SOX5: variants seen among roughly 807,000 people sequenced by gnomAD.
SOX5 encodes SRY-box transcription factor 5, also known as transcription factor SOX-5.
In SOX5, 9 loss-of-function variants were observed where a neutral mutation model predicts 92.0. That is an observed-to-expected ratio of 0.10 (90% CI 0.06 to 0.17). SOX5 has a LOEUF of 0.17. Ranked by LOEUF, SOX5 falls within the 10% of genes least tolerant of loss-of-function variation. The pLI, the probability that SOX5 is intolerant of heterozygous loss-of-function variation, is 1.00. For missense variants in SOX5, 642 were observed against 944.5 expected (o/e 0.68, Z 4.20); for synonymous variants, 344 against 336.3 (o/e 1.02, Z -0.25).
At chr12:23,719,357 T>G (rs890151150) in intron 6 of SOX5, among the ~76,000 whole-genome samples, 1 of 152,170 alleles carries the variant, frequency 6.6e-6, no homozygotes, top group Non-Finnish European at 1.5e-5. Flanking sequence ...GATAGTATTG[T>G]GAGAAGTGAG....
chr12:24,555,734 C>T (rs2139016843), intron 1 of SOX5, among the ~76,000 whole-genome samples: 1 of 152,252 alleles, frequency 6.6e-6, no homozygotes, highest in Middle Eastern at 3.4e-3. Context: ...TGCCAGGTCT[C>T]ATGTGTGTGA....
intron 4 of SOX5, among the ~76,000 whole-genome samples, chr12:24,155,277 GA>G (rs964022816): frequency 1.3e-5 from 2 of 151,604 alleles, no homozygotes; most frequent in African/African-American, 4.8e-5. Flanking sequence ...AGGGGGAATA[GA>G]AAAAAAACAT....
At chr12:24,486,156 C>G (rs138486524) in intron 1 of SOX5, among the ~76,000 whole-genome samples, 3 of 152,064 alleles carry the variant, frequency 2.0e-5, no homozygotes, top group Non-Finnish European at 4.4e-5. Flanking sequence ...AGGCCAGTCT[C>G]GAACTCCTGG....
chr12:23,635,820 G>A (rs1018974213), intron 8 of SOX5, among the ~76,000 whole-genome samples: 2 of 152,178 alleles, frequency 1.3e-5, no homozygotes. Flanking sequence ...CGACCCAAAT[G>A]AGTGACAATT....
chr12:23,959,496 AAG>A (rs1484483404), intron 4 of SOX5, among the ~76,000 whole-genome samples: 2 of 152,220 alleles, frequency 1.3e-5, no homozygotes, highest in South Asian at 2.1e-4. Context: ...AATCTTAAAG[AAG>A]AGAGAGTCTT....
At chr12:23,776,803 G>T (rs1411826447) in intron 3 of SOX5, among the ~76,000 whole-genome samples, 1 of 152,074 alleles carries the variant, frequency 6.6e-6, no homozygotes. Context: ...AGAAGGAGGA[G>T]CTCAGGCAGT....
chr12:24,552,084 C>A (rs1217104762), intron 1 of SOX5, among the ~76,000 whole-genome samples: 1 of 152,234 alleles, frequency 6.6e-6, no homozygotes, highest in African/African-American at 2.4e-5. Context: ...CCCCCTTCCC[C>A]ACTCCCCAAC....
intron 1 of SOX5, among the ~76,000 whole-genome samples, chr12:24,478,114 C>T (rs1214061950): frequency 6.6e-6 from 1 of 152,120 alleles, no homozygotes; most frequent in African/African-American, 2.4e-5. Flanking sequence ...TTGTGACATC[C>T]AAATGTTTTT....
intron 4 of SOX5, among the ~76,000 whole-genome samples, chr12:23,958,897 A>G (rs548135244): frequency 2.6e-5 from 4 of 152,012 alleles, no homozygotes; most frequent in South Asian, 2.1e-4. Flanking sequence ...GTAGAAATCA[A>G]TATCTTTCAT....
intron 4 of SOX5, among the ~76,000 whole-genome samples, chr12:24,058,302 T>C (rs1338585895): frequency 6.6e-6 from 1 of 152,214 alleles, no homozygotes; most frequent in Admixed American, 6.5e-5. Flanking sequence ...ATATTTTTTG[T>C]AGTTGTAGTT....
intron 1 of SOX5, among the ~76,000 whole-genome samples, chr12:24,543,370 C>T (rs1761341416): frequency 6.6e-6 from 1 of 152,200 alleles, no homozygotes; most frequent in Admixed American, 6.5e-5. Flanking sequence ...AAATACAACG[C>T]TGTTTATTTT....
At chr12:24,403,360 G>A (rs1022614270) in intron 1 of SOX5, among the ~76,000 whole-genome samples, 21 of 152,230 alleles carry the variant, frequency 1.4e-4, no homozygotes, top group Admixed American at 3.9e-4. Flanking sequence ...CCTTAAGGAC[G>A]GAAACCTTGT....
At chr12:24,043,067 C>G (rs922303523) in intron 4 of SOX5, among the ~76,000 whole-genome samples, 2 of 152,090 alleles carry the variant, frequency 1.3e-5, no homozygotes, top group African/African-American at 4.8e-5. Flanking sequence ...CCCATCAAAG[C>G]CTGAGCCAAT....
intron 1 of SOX5, among the ~76,000 whole-genome samples, chr12:24,398,251 C>T (rs1484774617): frequency 6.6e-6 from 1 of 152,188 alleles, no homozygotes; most frequent in African/African-American, 2.4e-5. Flanking sequence ...CGCCTGTAAT[C>T]CCAACCCTTT....
chr12:24,263,619 T>G (rs1942582774), intron 3 of SOX5, among the ~76,000 whole-genome samples: 1 of 151,968 alleles, frequency 6.6e-6, no homozygotes, highest in Non-Finnish European at 1.5e-5. Flanking sequence ...TTTGTTTCTG[T>G]ACATTTTGAG....
chr12:23,620,131 A>G (rs771279079), intron 8 of SOX5, among the ~76,000 whole-genome samples: 15 of 152,266 alleles, frequency 9.9e-5, no homozygotes, highest in South Asian at 2.1e-4. Context: ...GGTCAGAAGG[A>G]TGAGCTGATA....
chr12:23,866,241 A>G (rs1356139615), intron 2 of SOX5, among the ~76,000 whole-genome samples: 1 of 152,210 alleles, frequency 6.6e-6, no homozygotes, highest in Admixed American at 6.5e-5. Flanking sequence ...AGGAAAGGTA[A>G]CTATGTTAAT....
At chr12:23,739,329 T>C (rs751144101) in intron 5 of SOX5, among the ~76,000 whole-genome samples, 2 of 152,220 alleles carry the variant, frequency 1.3e-5, no homozygotes, top group Non-Finnish European at 2.9e-5. Flanking sequence ...TAATAGTTCA[T>C]AGGCATTGCC....
chr12:24,095,094 C>G (rs1945162558), intron 4 of SOX5, among the ~76,000 whole-genome samples: 1 of 99,216 alleles, frequency 1.0e-5, no homozygotes, highest in Non-Finnish European at 2.2e-5. Context: ...CCCCGAAACA[C>G]ACACACACAC....
Sources: allele counts gnomAD v4.1 joint callset (sites outside exome capture counted in the v4.1 genomes callset), GRCh38; gene constraint gnomAD v4.1.1; transcripts MANE v1.5; gene names NCBI Gene and HGNC (gene_info 2026-07-23, HGNC 2026-07-21).